The following GRIN2A variants were observed in gnomAD, a reference collection of about 807,000 sequenced individuals.
The protein encoded by GRIN2A is glutamate receptor ionotropic, NMDA 2A.
In GRIN2A, 22 loss-of-function variants were observed where a neutral mutation model predicts 113.4. That is an observed-to-expected ratio of 0.19 (90% CI 0.14 to 0.28). The LOEUF is 0.28. GRIN2A is among the 10% of genes least tolerant of loss of function. The pLI, the probability that GRIN2A is intolerant of heterozygous loss-of-function variation, is 1.00. For missense variants in GRIN2A, 1,502 were observed against 1,887.0 expected, an observed-to-expected ratio of 0.80 and a Z score of 3.78; for synonymous variants, 827 against 738.4, an observed-to-expected ratio of 1.12 and a Z score of -1.94.
intron 2 of GRIN2A, among the ~76,000 whole-genome samples, chr16:9,991,827 A>G (rs1343954141): frequency 3.9e-5 from 6 of 152,204 alleles, no homozygotes; most frequent in African/African-American, 1.4e-4. Flanking sequence ...ACATGTTCTT[A>G]CTCATAAGTG....
chr16:9,842,030 C>T (rs1395060843), intron 5 of GRIN2A, among the ~76,000 whole-genome samples: 3 of 152,020 alleles, frequency 2.0e-5, no homozygotes, highest in African/African-American at 7.2e-5. Context: ...GGCGGGTGAA[C>T]ACCTGAGGTC....
Position 9,947,375 on chromosome 16 carries a change from C to T in GRIN2A, c.415-8824G>A, listed in dbSNP as rs147810765. On this transcript the variant is annotated intron_variant, in intron 2 of 12. Coordinates refer to ENST00000330684, the MANE Select transcript of GRIN2A (RefSeq NM_001134407.3). ...AATAATCGCTTATCATTAAGCTGTT[C>T]CAGCAAAGAGAAAAAGCAAACCAGT... Among the ~76,000 whole-genome samples, 1,201 of 152,310 alleles carry T rather than the reference C, an allele frequency of 7.9e-3. 25 individuals carry two copies. Among genetic ancestry groups the T allele is most frequent in the African/African-American group, 0.028 (1,148 of 41,560 alleles).
At chr16:9,778,974 G>C (rs997343797) in intron 11 of GRIN2A, among the ~76,000 whole-genome samples, 3 of 152,204 alleles carry the variant, frequency 2.0e-5, no homozygotes, top group Admixed American at 2.0e-4. Flanking sequence ...TACACATCCT[G>C]GGCAGGGAGG....
intron 2 of GRIN2A, among the ~76,000 whole-genome samples, chr16:10,119,395 T>TAAATAAATATCA (rs76769875): frequency 1.8e-4 from 1 of 5,456 alleles, no homozygotes; most frequent in Admixed American, 5.9e-3. Flanking sequence ...GTTGTTTTCA[T>TAAATAAATATCA]GCTTAATATT....
intron 3 of GRIN2A, among the ~76,000 whole-genome samples, chr16:9,916,816 T>A (rs958381531): frequency 6.6e-6 from 1 of 152,208 alleles, no homozygotes; most frequent in Non-Finnish European, 1.5e-5. Context: ...AGTTGGTCAT[T>A]TAACATATGA....
At chr16:10,025,162 G>A (rs2046796303) in intron 2 of GRIN2A, among the ~76,000 whole-genome samples, 1 of 151,950 alleles carries the variant, frequency 6.6e-6, no homozygotes, top group Admixed American at 6.6e-5. Flanking sequence ...GATGGGAGGG[G>A]CTAAGAAGAC....
At chr16:9,861,284 G>A (rs926193708) in intron 4 of GRIN2A, among the ~76,000 whole-genome samples, 3 of 152,190 alleles carry the variant, frequency 2.0e-5, no homozygotes, top group Admixed American at 2.0e-4. Context: ...TGATGTTAAG[G>A]AGGAAAAACA....
intron 4 of GRIN2A, among the ~76,000 whole-genome samples, chr16:9,875,419 G>A (rs1238558861): frequency 6.6e-6 from 1 of 152,150 alleles, no homozygotes; most frequent in East Asian, 1.9e-4. Context: ...GGAATGGGAA[G>A]CTTCTGCTGC....
intron 3 of GRIN2A, among the ~76,000 whole-genome samples, chr16:9,924,307 A>G (rs1449831654): frequency 6.6e-6 from 1 of 152,132 alleles, no homozygotes; most frequent in East Asian, 1.9e-4. Context: ...TCTATTCTAA[A>G]AAGTATTTCA....
At chr16:10,141,919 C>T (rs772652434) in intron 2 of GRIN2A, among the ~76,000 whole-genome samples, 7 of 152,190 alleles carry the variant, frequency 4.6e-5, no homozygotes, top group Non-Finnish European at 1.0e-4. Flanking sequence ...GAGTGCTTTC[C>T]ACCACAGCAC....
chr16:9,810,714 T>A (rs967351080), intron 10 of GRIN2A, among the ~76,000 whole-genome samples: 2 of 152,166 alleles, frequency 1.3e-5, no homozygotes, highest in Non-Finnish European at 2.9e-5. Context: ...AACACCTTGA[T>A]TTTGGACTCT....
intron 10 of GRIN2A, among the ~76,000 whole-genome samples, chr16:9,804,826 C>T (rs1219228372): frequency 6.6e-6 from 1 of 152,148 alleles, no homozygotes; most frequent in African/African-American, 2.4e-5. Context: ...TTACCTTCTC[C>T]ATCACCGGCA....
chr16:9,803,953 G>A (rs1297748961), intron 10 of GRIN2A, among the ~76,000 whole-genome samples: 2 of 152,214 alleles, frequency 1.3e-5, no homozygotes, highest in Non-Finnish European at 2.9e-5. Context: ...CAAGGATGGG[G>A]CCAGAGCGGC....
At position 9,900,797 on chromosome 16, in the gene GRIN2A, G is replaced by C. The variant is rs190377422; in HGVS notation, c.1008-9697C>G. Among the ~76,000 whole-genome samples, 28 of 152,242 alleles carry C rather than the reference G, an allele frequency of 1.8e-4. No individual in the cohort carries two copies. In the East Asian group the frequency reaches 5.4e-3, roughly 29 times the overall value. On this transcript the variant is annotated intron_variant, in intron 3 of 12. Coordinates refer to ENST00000330684, the MANE Select transcript of GRIN2A (RefSeq NM_001134407.3). ...GTCACCATTAACCTCTCATGACTAA[G>C]GATCACCTAACCACTTTGAACCAGC...
chr16:10,063,558 A>G (rs777579525), intron 2 of GRIN2A, among the ~76,000 whole-genome samples: 8 of 152,208 alleles, frequency 5.3e-5, no homozygotes, highest in Non-Finnish European at 1.0e-4. Context: ...TACTTAAGCC[A>G]TTGATAATCT....
chr16:10,044,272 T>C (rs1027196949), intron 2 of GRIN2A, among the ~76,000 whole-genome samples: 3 of 151,992 alleles, frequency 2.0e-5, no homozygotes, highest in African/African-American at 7.3e-5. Flanking sequence ...GACCTCGTGA[T>C]CCACCCACCT....
chr16:9,772,282 G>A (rs768607812), intron 11 of GRIN2A, among the ~76,000 whole-genome samples: 19 of 152,164 alleles, frequency 1.2e-4, no homozygotes, highest in Non-Finnish European at 2.4e-4. Flanking sequence ...CCTCAGACCT[G>A]CACGGCTGCT....
chr16:9,770,241 T>C (rs1034776800), intron 11 of GRIN2A, among the ~76,000 whole-genome samples: 2 of 152,184 alleles, frequency 1.3e-5, no homozygotes, highest in African/African-American at 4.8e-5. Flanking sequence ...GTATGCTAAA[T>C]GAAAAGTATG....
intron 11 of GRIN2A, among the ~76,000 whole-genome samples, chr16:9,782,681 T>C (rs1902003831): frequency 6.6e-6 from 1 of 152,230 alleles, no homozygotes; most frequent in South Asian, 2.1e-4. Context: ...CTAATCCTGG[T>C]GTTGGATTGA....
Sources: gnomAD v4.1 joint callset for allele counts (sites outside exome capture counted in the v4.1 genomes callset) on GRCh38, gnomAD v4.1.1 for gene constraint, MANE v1.5 for transcripts, NCBI Gene and HGNC (gene_info 2026-07-23, HGNC 2026-07-21) for gene names.